Variants in CDC37 observed in about 807,000 individuals in gnomAD.
CDC37 encodes hsp90 co-chaperone Cdc37.
Under a neutral mutation model 46.9 loss-of-function variants are expected in CDC37, and 9 were observed. The ratio of observed to expected loss-of-function variants is 0.19; its 90% confidence interval spans 0.12 to 0.33. The LOEUF is 0.33. Ranked by LOEUF, CDC37 falls within the 10% of genes least tolerant of loss-of-function variation. The pLI is 1.00. For synonymous variants in CDC37, 193 were observed against 191.0 expected, an observed-to-expected ratio of 1.01 and a Z score of -0.09; for missense variants, 388 against 514.6, an observed-to-expected ratio of 0.75 and a Z score of 2.38.
chr19:10,403,216 C>T (rs1013982423), intron 1 of CDC37, among the ~76,000 whole-genome samples, 162 bp downstream of exon 1: 1 of 151,682 alleles, frequency 6.6e-6, no homozygotes, highest in African/African-American at 2.4e-5. Flanking sequence ...CTCAGGGTCC[C>T]AATGGTACTG....
rs2042491866 is a variant in CDC37, at chr19:10,396,254, C to T, written c.103-51G>A. On this transcript the variant is annotated intron_variant, in intron 1 of 7. Coordinates refer to ENST00000222005, the MANE Select transcript of CDC37 (RefSeq NM_007065.4). This position sits in a 1 kb window ranked among gnomAD's most constrained non-coding sequence, Gnocchi z 5.9. ...TCTGGGGAGTCGTCTGTCCCTTACCCCCGCCCCATACCCAATCCCTGCACC... is the reference window on the plus strand; with the variant it reads ...TCTGGGGAGTCGTCTGTCCCTTACCTCCGCCCCATACCCAATCCCTGCACC... 4.5e-6 allele frequency: 7 copies of T among 1,570,160 alleles called. No individual in the cohort carries two copies. Among genetic ancestry groups the T allele is most frequent in the East Asian group, 2.2e-5 (1 of 44,492 alleles).
chr19:10,395,904 GC>G, intron 2 of CDC37, 23 bp downstream of exon 2: 4 of 1,541,872 alleles, frequency 2.6e-6, no homozygotes, highest in African/African-American at 1.4e-5. Context: ...CATGCGCACT[GC>G]CCGCCCCGCC....
At chr19:10,401,057 T>G (rs903598694) in intron 1 of CDC37, among the ~76,000 whole-genome samples, 1 of 152,226 alleles carries the variant, frequency 6.6e-6, no homozygotes, top group African/African-American at 2.4e-5. Context: ...AGCTGAGATT[T>G]GAACCTAGTC....
At chr19:10,392,982 G>A (rs1164633020) in intron 7 of CDC37, 104 bp downstream of exon 7, 2 of 1,007,308 alleles carry the variant, frequency 2.0e-6, no homozygotes, top group Admixed American at 3.5e-5. Flanking sequence ...CCTTGGAGAA[G>A]CCTTGGAGGG....
At chr19:10,401,038 T>C (rs768986250) in intron 1 of CDC37, among the ~76,000 whole-genome samples, 37 of 152,214 alleles carry the variant, frequency 2.4e-4, no homozygotes, top group Non-Finnish European at 4.7e-4. Context: ...ACGTGAGTGA[T>C]ACAGACAGAG....
rs762754328 is a variant in CDC37 at position 10,393,283 on chromosome 19, G to A, written c.885C>T (p.Val295=). 9 of 1,613,104 alleles carry A rather than the reference G, an allele frequency of 5.6e-6. No homozygotes were observed. Among genetic ancestry groups the A allele is most frequent in the Middle Eastern group, 1.6e-4 (1 of 6,080 alleles). The change falls in exon 6 of 8, where the codon GTC becomes GTT. Residue 295 remains valine, a synonymous_variant. Coordinates refer to ENST00000222005, the MANE Select transcript of CDC37 (RefSeq NM_007065.4). This position sits in a 1 kb window ranked among gnomAD's most constrained non-coding sequence, Gnocchi z 4.9. ...CCTCAGGGAGGGACTCGTAGACCTCGACGGGGTCCAGGCCGCCGGGGCCGA... is the reference window on the plus strand; with the variant it reads ...CCTCAGGGAGGGACTCGTAGACCTCAACGGGGTCCAGGCCGCCGGGGCCGA... The part of the protein sequence containing the change: ...KRLGPGGLDP[V]EVYESLPEEL...
chr19:10,396,120 G>C lies in CDC37; in HGVS notation c.186C>G (p.Ala62=), dbSNP rs1331572107. 3 of 1,613,786 alleles carry C rather than the reference G, an allele frequency of 1.9e-6. No individual in the cohort carries two copies. The highest frequency in any genetic ancestry group is 2.5e-6 in the Non-Finnish European group (3 of 1,179,954). Residue 62 remains alanine (A), a synonymous_variant, in exon 2 of 8, where the codon GCC becomes GCG. Transcript: ENST00000222005. The surrounding 1 kb of genome is among the most constrained non-coding windows in gnomAD (Gnocchi z 5.9). ...GCTCCTTCAGTTTCCTCTGGCACTC[G>C]GCCACCTTGCGCTTGCACTCGCGGC... ...RGCRECKRKV[A]ECQRKLKELE...
rs1417958213 is a variant in CDC37, at chr19:10,393,503, C to T, written c.727-62G>A. 1.3e-6 allele frequency: 2 copies of T among 1,501,920 alleles called. No homozygotes were observed. Among genetic ancestry groups the T allele is most frequent in the East Asian group, 2.3e-5 (1 of 43,736 alleles). The allele number at this position is 1,501,920 out of a possible 1,614,324, so 93.0% of individuals were successfully genotyped here. Reference sequence around the variant, plus strand: ...AACGCTCAGGAGGGACTGGGGGGCCCAGGACCCTCCAGCCACAGCTCCTCA... The same window carrying T: ...AACGCTCAGGAGGGACTGGGGGGCCTAGGACCCTCCAGCCACAGCTCCTCA... On this transcript the variant is annotated intron_variant, in intron 5 of 7. Coordinates refer to ENST00000222005, the MANE Select transcript of CDC37 (RefSeq NM_007065.4). This position sits in a 1 kb window ranked among gnomAD's most constrained non-coding sequence, Gnocchi z 4.9.
intron 2 of CDC37, 95 bp from the exon 3 acceptor site, chr19:10,395,638 C>T: frequency 9.7e-7 from 1 of 1,028,328 alleles, no homozygotes. Flanking sequence ...CCATCCCATC[C>T]ACGGCGGAGG....
intron 1 of CDC37, among the ~76,000 whole-genome samples, chr19:10,402,157 C>CAAAAAAAAAAAAAAA (rs753021871): frequency 3.1e-5 from 2 of 63,838 alleles, no homozygotes; most frequent in African/African-American, 1.3e-4. Flanking sequence ...AACTTCGTCT[C>CAAAAAAAAAAAAAAA]AAAAAAAAAA....
At position 10,398,822 on chromosome 19, in the gene CDC37, C is replaced by T. The variant is rs1264390447; in HGVS notation, c.103-2619G>A. Among the ~76,000 whole-genome samples the T allele has an allele frequency of 6.6e-6, 1 of 152,188 alleles. No homozygotes were observed. The highest frequency in any genetic ancestry group is 1.5e-5 in the Non-Finnish European group (1 of 68,042). On this transcript the variant is annotated intron_variant, in intron 1 of 7. Coordinates refer to ENST00000222005, the MANE Select transcript of CDC37 (RefSeq NM_007065.4). The surrounding 1 kb of genome is among the most constrained non-coding windows in gnomAD (Gnocchi z 4.2). ...TGGTTGTTACTACATGGTCACAGCA[C>T]CCGGCTGTGCCACTGACGGGAGATG...
In CDC37 at chr19:10,395,018, T is replaced by C; in HGVS notation, c.726+3A>G. The stretch of plus-strand genomic sequence containing the variant: ...CAGCCACCTGGCAGCTCAGGGACCC[T>C]ACCTTAATCTTAGTGAAGAACTGCC... On this transcript the variant is annotated splice_donor_region_variant and intron_variant, in intron 5 of 7. Coordinates refer to ENST00000222005, the MANE Select transcript of CDC37 (RefSeq NM_007065.4). 3 of 1,517,080 alleles carry C rather than the reference T, an allele frequency of 2.0e-6. No homozygotes were observed. The highest frequency in any genetic ancestry group is 2.6e-6 in the Non-Finnish European group (3 of 1,134,264). The allele number at this position is 1,517,080 out of a possible 1,614,324, so 94.0% of individuals were successfully genotyped here. A position where few individuals can be genotyped will look rare whatever the true frequency, so the allele number is the denominator to read the frequency against.
chr19:10,399,540 G>A (rs2042507849), intron 1 of CDC37, among the ~76,000 whole-genome samples: 1 of 147,594 alleles, frequency 6.8e-6, no homozygotes, highest in Non-Finnish European at 1.5e-5. Context: ...AGTGACCCAT[G>A]CCTATAATCC....
At chr19:10,401,334 C>G (rs2042517326) in intron 1 of CDC37, among the ~76,000 whole-genome samples, 1 of 152,152 alleles carries the variant, frequency 6.6e-6, no homozygotes, top group Admixed American at 6.6e-5. Flanking sequence ...GACGCTGAAG[C>G]CCCCTGCCTC....
Position 10,393,696 on chromosome 19 carries a change from G to A in CDC37, c.727-255C>T, listed in dbSNP as rs2042471540. 4.3e-6 allele frequency: 2 copies of A among 466,494 alleles called. No individual in the cohort carries two copies. The highest frequency in any genetic ancestry group is 7.6e-6 in the Non-Finnish European group (2 of 263,124). 28.9% of individuals were successfully genotyped at this position (466,494 alleles called of 1,614,324 possible). ...CTCATGTCCTCAGTGTCCCTGCATG[G>A]GCACCTCTAACTCAACATGGCCACC... On this transcript the variant is annotated intron_variant, in intron 5 of 7. Coordinates refer to ENST00000222005, the MANE Select transcript of CDC37 (RefSeq NM_007065.4). The surrounding 1 kb of genome is among the most constrained non-coding windows in gnomAD (Gnocchi z 4.9).
Position 10,391,289 on chromosome 19 carries a change from C to T in CDC37, c.*262G>A. 2.0e-6 allele frequency: 1 copy of T among 496,994 alleles called. No individual in the cohort carries two copies. Among genetic ancestry groups the T allele is most frequent in the Non-Finnish European group, 3.6e-6 (1 of 275,162 alleles). The allele number at this position is 496,994 out of a possible 1,614,324, so 30.8% of individuals were successfully genotyped here. On this transcript the variant is annotated 3_prime_UTR_variant, in exon 8 of 8. Coordinates refer to ENST00000222005, the MANE Select transcript of CDC37 (RefSeq NM_007065.4). ...TGGTAGACCAGCCTGGTGACCTCTGCCCTTCCCCGGACCCCCGGGCCTTTG... is the reference window on the plus strand; with the variant it reads ...TGGTAGACCAGCCTGGTGACCTCTGTCCTTCCCCGGACCCCCGGGCCTTTG...
intron 3 of CDC37, 25 bp downstream of exon 3, chr19:10,395,410 C>A (rs199725202): frequency 2.9e-5 from 47 of 1,608,002 alleles, no homozygotes; most frequent in Non-Finnish European, 6.0e-6. Flanking sequence ...GACCTTGCCC[C>A]CCATAACCCA....
At position 10,398,026 on chromosome 19, in the gene CDC37, C is replaced by T. The variant is rs1171156211; in HGVS notation, c.103-1823G>A. Among the ~76,000 whole-genome samples, 1 of 152,172 alleles carries T rather than the reference C, an allele frequency of 6.6e-6. No homozygotes were observed. Among genetic ancestry groups the T allele is most frequent in the East Asian group, 1.9e-4 (1 of 5,192 alleles). The stretch of plus-strand genomic sequence containing the variant: ...CACCTCTCCTGAACCTCAGTGGAGG[C>T]TGCTCTATCCAGAGCCACTAATCAA... On this transcript the variant is annotated intron_variant, in intron 1 of 7. Coordinates refer to ENST00000222005, the MANE Select transcript of CDC37 (RefSeq NM_007065.4). The surrounding 1 kb of genome is among the most constrained non-coding windows in gnomAD (Gnocchi z 4.2).
At chr19:10,401,703 C>T (rs2042519457) in intron 1 of CDC37, among the ~76,000 whole-genome samples, 1 of 152,080 alleles carries the variant, frequency 6.6e-6, no homozygotes, top group Admixed American at 6.6e-5. Context: ...GGACTGGGAG[C>T]TAGATGAAGA....
Sources: allele counts gnomAD v4.1 joint callset (sites outside exome capture counted in the v4.1 genomes callset), GRCh38; gene constraint gnomAD v4.1.1; non-coding constraint Gnocchi (gnomAD v3.1); transcripts MANE v1.5; gene names NCBI Gene and HGNC (gene_info 2026-07-23, HGNC 2026-07-21).